GRIP1: variants seen among roughly 807,000 people sequenced by gnomAD.
GRIP1 encodes glutamate receptor interacting protein 1.
GRIP1 carries 45 observed loss-of-function variants against 129.9 expected under a neutral mutation model. That is an observed-to-expected ratio of 0.35 (90% CI 0.27 to 0.44). The LOEUF (loss-of-function observed/expected upper bound fraction) is 0.44. Ranked by LOEUF, GRIP1 falls within the 20% of genes least tolerant of loss-of-function variation. The pLI is 1.00. For missense variants in GRIP1, 1,196 were observed against 1,396.8 expected (o/e 0.86, Z 2.29); for synonymous variants, 530 against 520.8 (o/e 1.02, Z -0.24).
chr12:66,502,323 T>A (rs898732161), intron 7 of GRIP1, among the ~76,000 whole-genome samples: 2 of 152,186 alleles, frequency 1.3e-5, no homozygotes, highest in Non-Finnish European at 2.9e-5. Context: ...TTTGTCCATG[T>A]TACTCCTACT....
At chr12:66,667,331 T>C (rs1279167486) in intron 1 of GRIP1, among the ~76,000 whole-genome samples, 1 of 152,198 alleles carries the variant, frequency 6.6e-6, no homozygotes, top group Non-Finnish European at 1.5e-5. Context: ...TAGCTGGTCA[T>C]GCTTTGTGGA....
chr12:66,351,889 T>C (rs559364283), intron 24 of GRIP1, among the ~76,000 whole-genome samples: 205 of 152,310 alleles, frequency 1.3e-3, no homozygotes, highest in African/African-American at 4.7e-3. Flanking sequence ...TGGCATTTGA[T>C]TGAACATTGG....
At chr12:66,458,431 A>G (rs2059032751) in intron 9 of GRIP1, among the ~76,000 whole-genome samples, 1 of 152,018 alleles carries the variant, frequency 6.6e-6, no homozygotes, top group South Asian at 2.1e-4. Flanking sequence ...GTCACTCAGG[A>G]TGGAGTGCAA....
At chr12:66,879,330 A>T (rs773549232) in intron 1 of GRIP1, among the ~76,000 whole-genome samples, 1 of 152,204 alleles carries the variant, frequency 6.6e-6, no homozygotes, top group South Asian at 2.1e-4. Flanking sequence ...AATTTACTAC[A>T]TACCAGGTGC....
intron 1 of GRIP1, among the ~76,000 whole-genome samples, chr12:66,944,530 T>A (rs1173041335): frequency 8.5e-6 from 1 of 117,122 alleles, no homozygotes. Flanking sequence ...AACGTGGGGG[T>A]GGAGGGGTGG....
chr12:66,507,188 C>G (rs1481229828), intron 7 of GRIP1, among the ~76,000 whole-genome samples: 2 of 152,128 alleles, frequency 1.3e-5, no homozygotes, highest in African/African-American at 4.8e-5. Context: ...CCTGTAATCC[C>G]AGCACTTTGG....
intron 19 of GRIP1, 152 bp from the exon 20 acceptor site, chr12:66,379,588 TCAC>T: frequency 2.5e-6 from 2 of 812,310 alleles, no homozygotes; most frequent in Non-Finnish European, 4.2e-6. Flanking sequence ...ACCAAAGACT[TCAC>T]CAAGTACTTC....
intron 1 of GRIP1, among the ~76,000 whole-genome samples, chr12:66,629,839 T>A (rs2030545886): frequency 6.6e-6 from 1 of 152,180 alleles, no homozygotes; most frequent in Admixed American, 6.5e-5. Flanking sequence ...TGAGAAAATA[T>A]GTCAAGATTC....
chr12:66,837,403 A>C (rs1047837440), intron 1 of GRIP1, among the ~76,000 whole-genome samples: 4 of 152,328 alleles, frequency 2.6e-5, no homozygotes, highest in African/African-American at 7.2e-5. Flanking sequence ...AAGGTGTCTC[A>C]GGAAACCATT....
chr12:66,821,806 T>C (rs914272805), intron 1 of GRIP1, among the ~76,000 whole-genome samples: 3 of 152,108 alleles, frequency 2.0e-5, no homozygotes, highest in South Asian at 4.1e-4. Context: ...TTCATCAGAA[T>C]AGGGATGGTG....
intron 1 of GRIP1, among the ~76,000 whole-genome samples, chr12:66,716,685 T>C (rs1323857256): frequency 1.3e-5 from 2 of 151,824 alleles, no homozygotes; most frequent in African/African-American, 4.8e-5. Context: ...ATGGTTAACA[T>C]CCCCCTCCCA....
chr12:66,804,913 A>G (rs562727913), upstream of GRIP1, among the ~76,000 whole-genome samples: 1 of 152,328 alleles, frequency 6.6e-6, no homozygotes, highest in South Asian at 2.1e-4. Context: ...TTGGAGCAGC[A>G]GGGAGAAGGC....
intron 2 of GRIP1, 90 bp from the exon 3 acceptor site, chr12:66,542,040 T>C: frequency 3.3e-6 from 4 of 1,212,528 alleles, no homozygotes; most frequent in Non-Finnish European, 4.9e-6. Context: ...CACTTTTTCT[T>C]TTATGAGAAA....
chr12:66,543,600 T>C (rs536626503), intron 2 of GRIP1, among the ~76,000 whole-genome samples: 3 of 152,276 alleles, frequency 2.0e-5, no homozygotes, highest in East Asian at 1.9e-4. Flanking sequence ...TCAACTGATA[T>C]TGAAGACATC....
chr12:66,595,934 T>G (rs965682039), intron 2 of GRIP1, among the ~76,000 whole-genome samples: 1 of 152,194 alleles, frequency 6.6e-6, no homozygotes, highest in Non-Finnish European at 1.5e-5. Context: ...ATTCTTCCTT[T>G]CACTGACACA....
At chr12:66,879,939 G>C (rs910176866) in intron 1 of GRIP1, among the ~76,000 whole-genome samples, 1 of 152,044 alleles carries the variant, frequency 6.6e-6, no homozygotes. Context: ...TGCAGTGTAA[G>C]AAAGAGTGAA....
chr12:66,965,446 T>A (rs1222123698), intron 1 of GRIP1, among the ~76,000 whole-genome samples: 1 of 151,952 alleles, frequency 6.6e-6, no homozygotes, highest in African/African-American at 2.4e-5. Flanking sequence ...ATATGGTAGA[T>A]CTTCAGTCTA....
chr12:66,530,192 T>C (rs1167234858), intron 4 of GRIP1, among the ~76,000 whole-genome samples: 2 of 152,248 alleles, frequency 1.3e-5, no homozygotes, highest in Non-Finnish European at 2.9e-5. Context: ...AAGAGGGGGA[T>C]ATTTACATTG....
At chr12:66,527,855 CTGAT>C (rs1233045385) in intron 5 of GRIP1, among the ~76,000 whole-genome samples, 1 of 151,890 alleles carries the variant, frequency 6.6e-6, no homozygotes, top group Non-Finnish European at 1.5e-5. Flanking sequence ...GATTGAAAAA[CTGAT>C]TGAGTATGAT....
Sources: allele counts gnomAD v4.1 joint callset (sites outside exome capture counted in the v4.1 genomes callset), GRCh38; gene constraint gnomAD v4.1.1; transcripts MANE v1.5; gene names NCBI Gene and HGNC (gene_info 2026-07-23, HGNC 2026-07-21).